FGF14: variants seen among roughly 807,000 people sequenced by gnomAD.
The protein encoded by FGF14 is fibroblast growth factor 14.
Under a neutral mutation model 25.5 loss-of-function variants are expected in FGF14, and 5 were observed. The observed-to-expected ratio is 0.20, with a 90% CI of 0.10 to 0.41. The LOEUF (loss-of-function observed/expected upper bound fraction) is 0.41. Among genes scored for constraint, FGF14 ranks in the 10% least tolerant of loss-of-function variants. FGF14 has a pLI of 1.00. For missense variants in FGF14, 222 were observed against 320.1 expected (o/e 0.69, Z 2.34); for synonymous variants, 138 against 118.3 (o/e 1.17, Z -1.08).
At position 101,968,672 on chromosome 13, in the gene FGF14, C is replaced by CAAAA. The variant is rs2037385558; in HGVS notation, c.209-93377_209-93376insTTTT. On this transcript the variant is annotated intron_variant, in intron 1 of 4. Transcript: ENST00000376131. ...TGGGCGACAGAGCGAGACTCCGTCTCCAAAAAAAAAAAAAAAAACCTCAAT... is the reference window on the plus strand; with the variant it reads ...TGGGCGACAGAGCGAGACTCCGTCTCAAAACAAAAAAAAAAAAAAAAACCTCAAT... Among the ~76,000 whole-genome samples the CAAAA allele has an allele frequency of 1.6e-4, 12 of 74,380 alleles. No homozygotes were observed. In the Admixed American group the frequency reaches 1.8e-3, roughly 11 times the overall value. The allele number at this position is 74,380 out of a possible 152,430, so 48.8% of individuals were successfully genotyped here.
intron 3 of FGF14, among the ~76,000 whole-genome samples, chr13:101,735,594 T>A (rs1159944242): frequency 6.6e-6 from 1 of 151,064 alleles, no homozygotes; most frequent in Admixed American, 6.6e-5. Context: ...CTTTTCCCCC[T>A]CACTGATCAA....
intron 1 of FGF14, among the ~76,000 whole-genome samples, chr13:102,131,500 C>A (rs1017372781): frequency 6.6e-6 from 1 of 152,152 alleles, no homozygotes; most frequent in Non-Finnish European, 1.5e-5. Context: ...TCTGCTGTCT[C>A]AGCCGTATGC....
At chr13:102,394,306 T>G (rs2058510744) in intron 1 of FGF14, 1 of 152,342 alleles carries the variant, frequency 6.6e-6, no homozygotes, top group African/African-American at 2.4e-5. Context: ...ATCCCTCAGG[T>G]CCAGCAGTGC....
chr13:102,193,217 G>C (rs1179494987), intron 1 of FGF14, among the ~76,000 whole-genome samples: 2 of 152,130 alleles, frequency 1.3e-5, no homozygotes, highest in Non-Finnish European at 2.9e-5. Flanking sequence ...CACTTTGCCA[G>C]GTTCTGGTGG....
intron 1 of FGF14, among the ~76,000 whole-genome samples, chr13:102,257,368 T>TTTTTTTTTTTTTTTTC (rs1324599457): frequency 6.9e-6 from 1 of 144,638 alleles, no homozygotes; most frequent in Admixed American, 6.9e-5. Context: ...TTTTTTTTTT[T>TTTTTTTTTTTTTTTTC]CGAGACGGAG....
At chr13:102,226,508 A>G (rs2050832140) in intron 1 of FGF14, among the ~76,000 whole-genome samples, 1 of 152,158 alleles carries the variant, frequency 6.6e-6, no homozygotes, top group Non-Finnish European at 1.5e-5. Context: ...ATATTTTGGA[A>G]TGTAATATTT....
intron 1 of FGF14, among the ~76,000 whole-genome samples, chr13:101,997,719 A>G (rs988272451): frequency 2.0e-5 from 3 of 152,144 alleles, no homozygotes; most frequent in African/African-American, 7.2e-5. Context: ...CACATGAGAG[A>G]AGTCTACAGA....
intron 3 of FGF14, among the ~76,000 whole-genome samples, chr13:101,857,821 C>A (rs2044203731): frequency 6.6e-6 from 1 of 151,918 alleles, no homozygotes; most frequent in African/African-American, 2.4e-5. Context: ...TAAATACACA[C>A]TATTGTTTCA....
chr13:101,859,852 T>C (rs548986247), intron 3 of FGF14, among the ~76,000 whole-genome samples: 9 of 152,116 alleles, frequency 5.9e-5, no homozygotes, highest in Non-Finnish European at 1.3e-4. Context: ...ATGGAACTTG[T>C]CTGGAAATCT....
intron 1 of FGF14, among the ~76,000 whole-genome samples, chr13:102,337,734 T>C (rs936848328): frequency 1.3e-5 from 2 of 152,082 alleles, no homozygotes; most frequent in African/African-American, 4.8e-5. Context: ...ACCCCAAACT[T>C]GAGCAACGAC....
intron 1 of FGF14, among the ~76,000 whole-genome samples, chr13:102,229,675 T>C (rs2050989727): frequency 6.6e-6 from 1 of 152,186 alleles, no homozygotes; most frequent in South Asian, 2.1e-4. Flanking sequence ...CCTTCTTTAT[T>C]CTACCTCAAG....
At chr13:101,891,299 G>T (rs557672831) in intron 1 of FGF14, among the ~76,000 whole-genome samples, 1 of 152,250 alleles carries the variant, frequency 6.6e-6, no homozygotes, top group South Asian at 2.1e-4. Context: ...CTCCAGTTGT[G>T]AGGAATATAA....
At chr13:101,890,663 C>T (rs2046221085) in intron 1 of FGF14, among the ~76,000 whole-genome samples, 1 of 152,180 alleles carries the variant, frequency 6.6e-6, no homozygotes, top group African/African-American at 2.4e-5. Context: ...ACAGAATTTA[C>T]GCTTCTGTAC....
At chr13:101,953,627 G>C (rs184375608) in intron 1 of FGF14, among the ~76,000 whole-genome samples, 6 of 140,924 alleles carry the variant, frequency 4.3e-5, no homozygotes, top group African/African-American at 1.6e-4. Context: ...TTTTGCTCTT[G>C]TTGCCCAGGC....
rs1445100610 is a variant in FGF14, at chr13:101,977,300, A to AT, written c.209-102005dup. The stretch of plus-strand genomic sequence containing the variant: ...AAAGTACTGCTTATGAATACACCAT[A>AT]TTTTTTGAAACATAGCCATTTCTGA... On this transcript the variant is annotated intron_variant, in intron 1 of 4. Transcript: ENST00000376131. Among the ~76,000 whole-genome samples the AT allele has an allele frequency of 7.2e-5, 11 of 152,140 alleles. No homozygotes were observed. The South Asian group carries it at 1.2e-3, about 17-fold the overall frequency.
intron 3 of FGF14, among the ~76,000 whole-genome samples, chr13:101,751,065 G>A (rs186342722): frequency 1.2e-4 from 19 of 152,098 alleles, no homozygotes; most frequent in Admixed American, 5.2e-4. Flanking sequence ...TGATGAGTAA[G>A]TGAACACACA....
chr13:102,070,015 AC>A (rs1251974653), intron 1 of FGF14, among the ~76,000 whole-genome samples: 1 of 152,208 alleles, frequency 6.6e-6, no homozygotes, highest in African/African-American at 2.4e-5. Context: ...GGTAACCAGA[AC>A]AAAAATGAAC....
chr13:101,823,092 G>C (rs1438609100), intron 3 of FGF14, among the ~76,000 whole-genome samples: 1 of 152,060 alleles, frequency 6.6e-6, no homozygotes, highest in Non-Finnish European at 1.5e-5. Flanking sequence ...CTAATTTTGT[G>C]TATACATTCA....
intron 1 of FGF14, among the ~76,000 whole-genome samples, chr13:102,230,474 G>T (rs938585821): frequency 3.3e-5 from 5 of 152,068 alleles, no homozygotes; most frequent in Non-Finnish European, 5.9e-5. Context: ...CTCCATAAAA[G>T]GTATACTGGG....
Sources: gnomAD v4.1 joint callset for allele counts (sites outside exome capture counted in the v4.1 genomes callset) on GRCh38, gnomAD v4.1.1 for gene constraint, MANE v1.5 for transcripts, NCBI Gene and HGNC (gene_info 2026-07-23, HGNC 2026-07-21) for gene names.